The following SEMA3D variants were observed in gnomAD, a reference collection of about 807,000 sequenced individuals.
SEMA3D encodes semaphorin-3D.
In SEMA3D, 84 loss-of-function variants were observed where a neutral mutation model predicts 100.1. That is an observed-to-expected ratio of 0.84 (90% CI 0.70 to 1.01). The LOEUF (loss-of-function observed/expected upper bound fraction) is 1.01, where lower values mean the gene tolerates loss of function less well. Ranked by LOEUF, SEMA3D falls within the 50% of genes least tolerant of loss-of-function variation. The pLI is 0.00. For synonymous variants in SEMA3D, 312 were observed against 320.7 expected (o/e 0.97, Z 0.29); for missense variants, 875 against 934.1 (o/e 0.94, Z 0.82).
chr7:85,101,657 T>C (rs1282005601), intron 3 of SEMA3D, among the ~76,000 whole-genome samples: 2 of 151,988 alleles, frequency 1.3e-5, no homozygotes, highest in Non-Finnish European at 2.9e-5. Flanking sequence ...CTATCAGTCA[T>C]TATAATAACA....
chr7:85,233,236 C>T, the SEMA3D span, among the ~76,000 whole-genome samples: 1 of 147,722 alleles, frequency 6.8e-6, no homozygotes, highest in Non-Finnish European at 1.5e-5. Context: ...ACGGCTAGCG[C>T]GAATGAAAAA....
chr7:85,224,261 T>A, the SEMA3D span, among the ~76,000 whole-genome samples: 2,776 of 152,286 alleles, frequency 0.018, 81 homozygotes, highest in African/African-American at 0.064. Flanking sequence ...TTTGTATTTG[T>A]AGGTGAGAAA....
the SEMA3D span, among the ~76,000 whole-genome samples, chr7:85,244,542 A>T: frequency 6.6e-6 from 1 of 152,346 alleles, no homozygotes; most frequent in East Asian, 1.9e-4. Flanking sequence ...ATCATTGAAT[A>T]TAAAATAAAC....
At chr7:85,019,485 A>G (rs1435082399) in intron 14 of SEMA3D, among the ~76,000 whole-genome samples, 2 of 151,862 alleles carry the variant, frequency 1.3e-5, no homozygotes, top group Non-Finnish European at 3.0e-5. Flanking sequence ...CCCCTCACAG[A>G]GGAAGGCTTT....
At chr7:85,071,367 T>C (rs950827966) in intron 6 of SEMA3D, among the ~76,000 whole-genome samples, 4 of 152,190 alleles carry the variant, frequency 2.6e-5, no homozygotes, top group Non-Finnish European at 5.9e-5. Flanking sequence ...ACAAGTTGGT[T>C]AGAAAGGAAA....
chr7:84,997,421 A>ACAG lies in SEMA3D; in HGVS notation c.*2018_*2019insCTG. 6.6e-6 allele frequency: 1 copy of ACAG among 152,100 alleles called. No homozygotes were observed. The highest frequency in any genetic ancestry group is 1.5e-5 in the Non-Finnish European group (1 of 67,958). The allele number at this position is 152,100 out of a possible 1,614,324, so 9.4% of individuals were successfully genotyped here. The stretch of plus-strand genomic sequence containing the variant: ...ACAAACACTGTTGTTACGCTATTCA[A>ACAG]TTAGAAGTCTGATCATGCCACACTG... On this transcript the variant is annotated 3_prime_UTR_variant, in exon 19 of 19. Transcript: ENST00000284136.
chr7:85,018,121 A>T, intron 15 of SEMA3D, 131 bp downstream of exon 15: 1 of 693,150 alleles, frequency 1.4e-6, no homozygotes, highest in Non-Finnish European at 2.6e-6. Context: ...ATGAATTACA[A>T]GAGAAACAAA....
At chr7:85,034,171 G>A (rs544073887) in intron 12 of SEMA3D, among the ~76,000 whole-genome samples, 1 of 152,150 alleles carries the variant, frequency 6.6e-6, no homozygotes, top group Admixed American at 6.5e-5. Context: ...ATTATGATCA[G>A]TATTAAGTAA....
At chr7:85,220,349 T>C in the SEMA3D span, among the ~76,000 whole-genome samples, 1 of 145,468 alleles carries the variant, frequency 6.9e-6, no homozygotes, top group African/African-American at 2.7e-5. Context: ...TTTTTTTTTA[T>C]CTCTACACAA....
the SEMA3D span, among the ~76,000 whole-genome samples, chr7:85,244,416 T>C: frequency 6.6e-6 from 1 of 152,168 alleles, no homozygotes; most frequent in Non-Finnish European, 1.5e-5. Flanking sequence ...CAAATCTTAA[T>C]ATGATTTTCA....
intron 16 of SEMA3D, 50 bp from the exon 17 acceptor site, chr7:85,012,896 A>T: frequency 7.0e-7 from 1 of 1,427,040 alleles, no homozygotes; most frequent in South Asian, 1.1e-5. Flanking sequence ...GATTACCATC[A>T]TATAGAAAGG....
chr7:85,043,682 G>A (rs1018287388), intron 9 of SEMA3D, among the ~76,000 whole-genome samples: 2 of 151,998 alleles, frequency 1.3e-5, no homozygotes, highest in Admixed American at 6.6e-5. Context: ...TTATGGAGGC[G>A]GGTCTTTCCC....
intron 1 of SEMA3D, among the ~76,000 whole-genome samples, chr7:85,186,227 C>A (rs1164526079): frequency 6.6e-6 from 1 of 152,144 alleles, no homozygotes; most frequent in Non-Finnish European, 1.5e-5. Flanking sequence ...CGGATGTTCC[C>A]GACTAAAGCG....
chr7:85,096,044 A>T (rs1320722502), intron 4 of SEMA3D, among the ~76,000 whole-genome samples: 1 of 152,024 alleles, frequency 6.6e-6, no homozygotes, highest in Non-Finnish European at 1.5e-5. Context: ...CCTTAAAAGT[A>T]TGAATTGCTT....
chr7:85,213,217 G>T, the SEMA3D span, among the ~76,000 whole-genome samples: 1 of 151,890 alleles, frequency 6.6e-6, no homozygotes, highest in African/African-American at 2.4e-5. Context: ...AATAGAGATA[G>T]TGTGCTTAAT....
the SEMA3D span, among the ~76,000 whole-genome samples, chr7:85,241,627 G>A: frequency 6.6e-6 from 1 of 151,236 alleles, no homozygotes; most frequent in Non-Finnish European, 1.5e-5. Flanking sequence ...ATAAGTGGGA[G>A]CTAAGCTATG....
chr7:85,116,571 G>A (rs370700339), intron 3 of SEMA3D, among the ~76,000 whole-genome samples: 3 of 151,420 alleles, frequency 2.0e-5, no homozygotes, highest in African/African-American at 7.3e-5. Flanking sequence ...TTTGTAGCTT[G>A]CCTATTCCTC....
At chr7:85,118,318 T>C (rs1479456677) in intron 3 of SEMA3D, among the ~76,000 whole-genome samples, 4 of 152,294 alleles carry the variant, frequency 2.6e-5, no homozygotes, top group African/African-American at 4.8e-5. Flanking sequence ...TGTCAGCTAA[T>C]GTGAACATCT....
chr7:85,104,219 G>A (rs1185512936), intron 3 of SEMA3D, among the ~76,000 whole-genome samples: 1 of 151,992 alleles, frequency 6.6e-6, no homozygotes, highest in East Asian at 1.9e-4. Flanking sequence ...TTACAAGTTT[G>A]ACACACTCCT....
Sources: allele counts gnomAD v4.1 joint callset (sites outside exome capture counted in the v4.1 genomes callset), GRCh38; gene constraint gnomAD v4.1.1; transcripts MANE v1.5; gene names NCBI Gene and HGNC (gene_info 2026-07-23, HGNC 2026-07-21).